Variants in PIK3R3 observed in about 807,000 individuals in gnomAD.
PIK3R3 encodes phosphoinositide-3-kinase regulatory subunit 3, also known as phosphatidylinositol 3-kinase regulatory subunit gamma.
A neutral mutation model predicts 62.9 loss-of-function variants in PIK3R3; 64 were observed. The observed-to-expected ratio is 1.02, with a 90% confidence interval of 0.83 to 1.25. The LOEUF is 1.25. PIK3R3 is among the 50% of genes most tolerant of loss of function. The probability of loss-of-function intolerance (pLI) is 0.00; values close to 1 mark genes in which losing one functional copy is unlikely to be tolerated. For missense variants in PIK3R3, 614 were observed against 561.6 expected, an observed-to-expected ratio of 1.09 and a Z score of -0.94; for synonymous variants, 165 against 189.0, an observed-to-expected ratio of 0.87 and a Z score of 1.04.
chr1:46,173,271 T>G, the PIK3R3 span, among the ~76,000 whole-genome samples: 3 of 152,222 alleles, frequency 2.0e-5, no homozygotes, highest in Non-Finnish European at 2.9e-5. Context: ...ACGGAGCCCC[T>G]GTTACAAGTA....
intron 1 of PIK3R3, among the ~76,000 whole-genome samples, chr1:46,086,183 G>A (rs1305122313): frequency 6.6e-6 from 1 of 152,226 alleles, no homozygotes; most frequent in South Asian, 2.1e-4. Context: ...TGTGTGCATA[G>A]AAACATATGA....
intron 1 of PIK3R3, among the ~76,000 whole-genome samples, chr1:46,108,970 T>C (rs946674925): frequency 6.6e-6 from 1 of 152,132 alleles, no homozygotes; most frequent in Admixed American, 6.5e-5. Flanking sequence ...CTATCCTGGC[T>C]AACACGGTGA....
intron 1 of PIK3R3, among the ~76,000 whole-genome samples, chr1:46,111,328 C>T (rs1473795781): frequency 2.0e-5 from 3 of 152,154 alleles, no homozygotes; most frequent in Non-Finnish European, 4.4e-5. Context: ...AACAATACTT[C>T]TTCCTCTCAA....
intron 1 of PIK3R3, among the ~76,000 whole-genome samples, chr1:46,124,706 G>A (rs1461413684): frequency 6.6e-6 from 1 of 150,716 alleles, no homozygotes; most frequent in Non-Finnish European, 1.5e-5. Flanking sequence ...TGAGGCAGGA[G>A]AATCGCTGGA....
intron 1 of PIK3R3, among the ~76,000 whole-genome samples, chr1:46,118,142 T>A (rs1448104587): frequency 6.6e-6 from 1 of 152,200 alleles, no homozygotes; most frequent in Non-Finnish European, 1.5e-5. Context: ...GGCATTACTT[T>A]AAAAGTTAGA....
chr1:46,133,040 G>C (rs560902364), upstream of PIK3R3: 262 of 1,021,516 alleles, frequency 2.6e-4, no homozygotes, highest in Admixed American at 6.4e-4. Flanking sequence ...GCCGGTTGCC[G>C]GAGCCTGGAG....
At chr1:46,054,337 T>C (rs1647659513) in intron 7 of PIK3R3, among the ~76,000 whole-genome samples, 1 of 125,666 alleles carries the variant, frequency 8.0e-6, no homozygotes, top group African/African-American at 3.1e-5. Flanking sequence ...GAGGTTGCAG[T>C]GGGAGCTGAG....
intron 7 of PIK3R3, 25 bp downstream of exon 7, chr1:46,055,770 C>G: frequency 6.6e-7 from 1 of 1,517,840 alleles, no homozygotes; most frequent in Non-Finnish European, 8.9e-7. Context: ...ACGTCTCCCT[C>G]CCCATACACT....
chr1:46,166,498 G>A, the PIK3R3 span, among the ~76,000 whole-genome samples: 47 of 152,082 alleles, frequency 3.1e-4, 1 homozygote, highest in Admixed American at 3.0e-3. Context: ...GCTGGGAGGC[G>A]TGAGCCACCA....
At chr1:46,071,099 C>CT (rs1557578397) in intron 3 of PIK3R3, among the ~76,000 whole-genome samples, 1 of 152,128 alleles carries the variant, frequency 6.6e-6, no homozygotes, top group South Asian at 2.1e-4. Flanking sequence ...ATCCCAGGCC[C>CT]TCCTTCTCCC....
At chr1:46,111,700 G>C (rs921944624) in intron 1 of PIK3R3, among the ~76,000 whole-genome samples, 5 of 151,910 alleles carry the variant, frequency 3.3e-5, no homozygotes, top group African/African-American at 9.7e-5. Context: ...ACTTCAGCCT[G>C]GGTGACAGAG....
At chr1:46,047,616 C>T (rs1433582460) in intron 7 of PIK3R3, among the ~76,000 whole-genome samples, 1 of 152,266 alleles carries the variant, frequency 6.6e-6, no homozygotes, top group East Asian at 1.9e-4. Flanking sequence ...CCAAGCAAGG[C>T]TCCTATCATT....
chr1:46,142,983 A>G, the PIK3R3 span, among the ~76,000 whole-genome samples: 38 of 152,344 alleles, frequency 2.5e-4, no homozygotes, highest in South Asian at 1.0e-3. Context: ...ACGTGGGCAA[A>G]CGATCAAGAG....
chr1:46,164,745 T>C, the PIK3R3 span, among the ~76,000 whole-genome samples: 1 of 152,152 alleles, frequency 6.6e-6, no homozygotes, highest in South Asian at 2.1e-4. Context: ...ACACCTGTAG[T>C]TTCCCCAGAT....
intron 1 of PIK3R3, among the ~76,000 whole-genome samples, chr1:46,129,997 A>G (rs1366926392): frequency 2.0e-5 from 3 of 152,210 alleles, no homozygotes; most frequent in African/African-American, 7.2e-5. Flanking sequence ...ACAACCTTAT[A>G]AGACCCACGT....
At chr1:46,148,242 A>T in the PIK3R3 span, among the ~76,000 whole-genome samples, 1 of 152,200 alleles carries the variant, frequency 6.6e-6, no homozygotes, top group Non-Finnish European at 1.5e-5. Flanking sequence ...TATTAGCATG[A>T]CTTTTCAGTT....
At chr1:46,087,206 G>A (rs1651147427) in intron 1 of PIK3R3, among the ~76,000 whole-genome samples, 1 of 151,836 alleles carries the variant, frequency 6.6e-6, no homozygotes, top group Non-Finnish European at 1.5e-5. Context: ...CATGGCACAT[G>A]TATACATATG....
chr1:46,132,974 G>T (rs1273176605), upstream of PIK3R3: 2 of 1,101,680 alleles, frequency 1.8e-6, no homozygotes, highest in African/African-American at 3.4e-5. Flanking sequence ...ACGCGAGCCA[G>T]GCGAGGAGGG....
At chr1:46,072,979 T>A (rs957243377) in intron 3 of PIK3R3, among the ~76,000 whole-genome samples, 9 of 146,286 alleles carry the variant, frequency 6.2e-5, no homozygotes, top group African/African-American at 2.0e-4. Flanking sequence ...ATATATATAT[T>A]AGGCATCCAT....
Sources: gnomAD v4.1 joint callset for allele counts (sites outside exome capture counted in the v4.1 genomes callset) on GRCh38, gnomAD v4.1.1 for gene constraint, MANE v1.5 for transcripts, NCBI Gene and HGNC (gene_info 2026-07-23, HGNC 2026-07-21) for gene names.